Variants in COG1 observed in about 807,000 individuals in gnomAD.
COG1 encodes component of oligomeric golgi complex 1.
COG1 carries 61 observed loss-of-function variants against 102.2 expected under a neutral mutation model. That is an observed-to-expected ratio of 0.60 (90% CI 0.49 to 0.74). The LOEUF (loss-of-function observed/expected upper bound fraction) is 0.74, where lower values mean the gene tolerates loss of function less well. Among genes scored for constraint, COG1 ranks in the 30% least tolerant of loss-of-function variants. The pLI is 0.00. For synonymous variants in COG1, 454 were observed against 493.6 expected (o/e 0.92, Z 1.06); for missense variants, 1,164 against 1,232.1 (o/e 0.94, Z 0.83).
Position 73,200,140 on chromosome 17 carries a change from C to T in COG1, c.1070+119C>T, listed in dbSNP as rs2061341068. The stretch of plus-strand genomic sequence containing the variant: ...AAGCCTGTCCTGGATGGCGTGCTGC[C>T]CATCAGCCAGCCTCTCACTCTGTGA... On this transcript the variant is annotated intron_variant, in intron 5 of 13. Coordinates refer to ENST00000299886, the MANE Select transcript of COG1 (RefSeq NM_018714.3). 38 of 1,222,916 alleles carry T rather than the reference C, an allele frequency of 3.1e-5. No homozygotes were observed. In the South Asian group the frequency reaches 4.9e-4, roughly 16 times the overall value. 75.8% of individuals were successfully genotyped at this position (1,222,916 alleles called of 1,614,324 possible). A position where few individuals can be genotyped will look rare whatever the true frequency, so the allele number is the denominator to read the frequency against.
At chr17:73,199,827 G>C (rs778648412) in intron 4 of COG1, 38 bp from the exon 5 acceptor site, 141 of 1,613,504 alleles carry the variant, frequency 8.7e-5, no homozygotes, top group Non-Finnish European at 1.1e-4. Flanking sequence ...CACTTCAAAG[G>C]GTGGCCTAGA....
chr17:73,196,259 GA>G (rs1386355248), intron 1 of COG1, among the ~76,000 whole-genome samples: 26 of 152,158 alleles, frequency 1.7e-4, no homozygotes, highest in African/African-American at 6.3e-4. Context: ...GGTGGGAGAC[GA>G]AAGTTTGCCT....
chr17:73,193,897 A>C (rs1005083035), intron 1 of COG1, among the ~76,000 whole-genome samples: 1 of 152,124 alleles, frequency 6.6e-6, no homozygotes, highest in Non-Finnish European at 1.5e-5. Flanking sequence ...CCAGCTATCA[A>C]GCCCTTAACT....
intron 9 of COG1, among the ~76,000 whole-genome samples, chr17:73,204,105 G>A (rs2061358361): frequency 6.6e-6 from 1 of 152,156 alleles, no homozygotes; most frequent in Non-Finnish European, 1.5e-5. Flanking sequence ...CGGCTGCAAT[G>A]AGCAGCTATC....
intron 12 of COG1, 29 bp from the exon 13 acceptor site, chr17:73,207,152 C>G: frequency 1.3e-6 from 2 of 1,567,996 alleles, no homozygotes; most frequent in African/African-American, 1.4e-5. Context: ...CCTGTTTGTG[C>G]TACTAAATTC....
chr17:73,196,682 C>T lies in COG1; in HGVS notation c.491C>T (p.Ser164Phe). The T allele has an allele frequency of 1.2e-6, 2 of 1,614,210 alleles. No individual in the cohort carries two copies. Among genetic ancestry groups the T allele is most frequent in the Non-Finnish European group, 1.7e-6 (2 of 1,180,040 alleles). The change falls in exon 2 of 14, where the codon TCC becomes TTC. Residue 164 changes from serine to phenylalanine, a missense_variant. Ser to Phe is a radical substitution (Grantham distance 155). Transcript: ENST00000299886. ...HSLLQLDSSSSRYSPVLSRFP... is the reference protein window; with the variant it reads ...HSLLQLDSSSFRYSPVLSRFP... ...CTGCTCCAGCTGGATTCTTCTAGTT[C>T]CCGATACAGTCCCGTCCTCTCCCGG...
intron 5 of COG1, 149 bp downstream of exon 5, chr17:73,200,170 T>C (rs551238706): frequency 1.7e-4 from 162 of 967,030 alleles, no homozygotes; most frequent in African/African-American, 1.3e-3. Context: ...CTGTGACCCA[T>C]TGCCACCTTT....
intron 1 of COG1, among the ~76,000 whole-genome samples, chr17:73,194,236 A>C (rs202060183): frequency 6.8e-6 from 1 of 147,972 alleles, no homozygotes; most frequent in Admixed American, 6.8e-5. Flanking sequence ...AGGTCAGGAG[A>C]TCCAGACCAT....
intron 9 of COG1, among the ~76,000 whole-genome samples, chr17:73,204,554 CTTTTT>C (rs575425786): frequency 6.3e-5 from 6 of 95,858 alleles, no homozygotes; most frequent in African/African-American, 8.2e-5. Context: ...TCATTAGTAA[CTTTTT>C]TTTTTTTTTT....
At chr17:73,200,058 G>A (rs901323623) in intron 5 of COG1, 37 bp downstream of exon 5, 4 of 1,594,508 alleles carry the variant, frequency 2.5e-6, no homozygotes, top group Non-Finnish European at 3.4e-6. Context: ...CAGCTGGCAG[G>A]AGCCACCCAT....
At chr17:73,197,102 A>G in intron 3 of COG1, 21 bp downstream of exon 3, 6 of 1,614,150 alleles carry the variant, frequency 3.7e-6, no homozygotes, top group Non-Finnish European at 5.1e-6. Context: ...CTTCTGGCCA[A>G]CATTTGGTCC....
chr17:73,201,556 T>C lies in COG1; in HGVS notation c.1729T>C (p.Cys577Arg), dbSNP rs755781664. The change falls in exon 7 of 14, where the codon TGC (cysteine) becomes CGC (arginine). Residue 577 changes from cysteine (C) to arginine (R), a missense_variant. Cys to Arg is a radical substitution (Grantham distance 180, BLOSUM62 -3). Transcript: ENST00000299886. The part of the protein sequence containing the change: ...QEMLRTQSVA[C>R]IKHIVDCIRA... ...GATGCTGCGGACTCAGTCCGTGGCA[T>C]GCATCAAGCACATCGTGGACTGCAT... is the stretch of plus-strand genomic sequence containing the variant. 1 of 1,614,240 alleles carries C rather than the reference T, an allele frequency of 6.2e-7. No homozygotes were observed. Among genetic ancestry groups the C allele is most frequent in the Non-Finnish European group, 8.5e-7 (1 of 1,180,048 alleles).
rs543305835 is a variant in COG1 at position 73,196,143 on chromosome 17, G to T, written c.316-364G>T. On this transcript the variant is annotated intron_variant, in intron 1 of 13. Transcript: ENST00000299886. ...GGGAAGGTAGAAGAACCTAAAAGTT[G>T]CCTCCAGCCCTTTTATGAGGCACTG... is the stretch of plus-strand genomic sequence containing the variant. Among the ~76,000 whole-genome samples, 4 of 152,278 alleles carry T rather than the reference G, an allele frequency of 2.6e-5. No individual in the cohort carries two copies. The East Asian group carries it at 7.7e-4, about 29-fold the overall frequency.
At chr17:73,204,391 C>A (rs945921163) in intron 9 of COG1, among the ~76,000 whole-genome samples, 5 of 151,940 alleles carry the variant, frequency 3.3e-5, no homozygotes, top group African/African-American at 1.2e-4. Flanking sequence ...GCACACCTAC[C>A]TCAGGGGTGA....
intron 1 of COG1, among the ~76,000 whole-genome samples, chr17:73,194,333 C>T (rs62071647): frequency 0.91 from 129,766 of 142,848 alleles, 59,912 homozygotes; most frequent in Non-Finnish European, 0.99. Flanking sequence ...TCCCAGCTAC[C>T]TGGGAGGCTG....
At chr17:73,200,344 C>T (rs1350503619) in intron 5 of COG1, among the ~76,000 whole-genome samples, 3 of 152,158 alleles carry the variant, frequency 2.0e-5, no homozygotes, top group Non-Finnish European at 4.4e-5. Flanking sequence ...TTGCGTATAT[C>T]CTCGGGGAAG....
rs752197597 is a variant in COG1 at position 73,201,611 on chromosome 17, G to T, written c.1784G>T (p.Gly595Val). The T allele has an allele frequency of 4.3e-6, 7 of 1,614,216 alleles. No individual in the cohort carries two copies. In the Admixed American group the frequency reaches 8.3e-5, roughly 19 times the overall value. The change falls in exon 7 of 14, where the codon GGT (glycine) becomes GTT (valine). Residue 595 changes from glycine (G) to valine (V), a missense_variant. Physicochemically the swap from Gly to Val is moderately radical, Grantham distance 109. Coordinates refer to ENST00000299886, the MANE Select transcript of COG1 (RefSeq NM_018714.3). ...GCAGAGCTACAGAGCATTGAAGAGGGTGTGCAAGGGCAACAGGATGCCCTC... is the reference window on the plus strand; with the variant it reads ...GCAGAGCTACAGAGCATTGAAGAGGTTGTGCAAGGGCAACAGGATGCCCTC... ...IRAELQSIEEGVQGQQDALNS... is the reference protein window; with the variant it reads ...IRAELQSIEEVVQGQQDALNS...
rs1421966196 is a variant in COG1 at position 73,206,798 on chromosome 17, C to T, written c.2710C>T (p.Leu904=). ...NSQEPHNILP[L]ASSQIRFGLL... is the part of the protein sequence containing the mutation. ...CCAAGAACCCCATAACATCCTGCCA[C>T]TGGCATCCAGTCAGATCAGGTAAAG... Residue 904 remains leucine, a synonymous_variant, in exon 12 of 14, where the codon CTG becomes TTG. Transcript: ENST00000299886. The T allele has an allele frequency of 6.2e-7, 1 of 1,613,816 alleles. No homozygotes were observed. Among genetic ancestry groups the T allele is most frequent in the Non-Finnish European group, 8.5e-7 (1 of 1,179,826 alleles).
At chr17:73,203,450 G>T in intron 8 of COG1, 182 bp from the exon 9 acceptor site, 1 of 781,896 alleles carries the variant, frequency 1.3e-6, no homozygotes, top group Non-Finnish European at 2.1e-6. Flanking sequence ...CGTGGAGGCA[G>T]TAACAGCAAA....
Sources: allele counts gnomAD v4.1 joint callset (sites outside exome capture counted in the v4.1 genomes callset), GRCh38; gene constraint gnomAD v4.1.1; transcripts MANE v1.5; gene names NCBI Gene and HGNC (gene_info 2026-07-23, HGNC 2026-07-21).